The following IPO9 variants were observed in gnomAD, a reference collection of about 807,000 sequenced individuals.
IPO9 encodes the protein importin 9.
In IPO9, 28 loss-of-function variants were observed where a neutral mutation model predicts 128.6. The ratio of observed to expected loss-of-function variants is 0.22; its 90% confidence interval spans 0.16 to 0.30. The LOEUF (loss-of-function observed/expected upper bound fraction) is 0.30. Among genes scored for constraint, IPO9 ranks in the 10% least tolerant of loss-of-function variants. The probability of loss-of-function intolerance (pLI) is 1.00; values close to 1 mark genes in which losing one functional copy is unlikely to be tolerated. For missense variants in IPO9, 935 were observed against 1,293.9 expected (o/e 0.72, Z 4.26); for synonymous variants, 455 against 475.8 (o/e 0.96, Z 0.57).
rs11576601 is a variant in IPO9 at position 201,855,824 on chromosome 1, G to T, written c.1012G>T (p.Glu338Ter). 1 of 1,610,420 alleles carries T rather than the reference G, an allele frequency of 6.2e-7. No individual in the cohort carries two copies. Among genetic ancestry groups the T allele is most frequent in the Non-Finnish European group, 8.5e-7 (1 of 1,179,244 alleles). The change falls in exon 10 of 24, where the codon GAA becomes TAA. Residue 338 changes from glutamate to a stop codon, truncating the protein, a stop_gained. Coordinates refer to ENST00000361565, the MANE Select transcript of IPO9 (RefSeq NM_018085.5). LOFTEE classifies it high-confidence loss of function. ...GFENLVFSIFEFVHALLENSK... is the reference protein window; with the variant it reads ...GFENLVFSIF Reference sequence around the variant, plus strand: ...TGAAAATCTCGTCTTTAGCATTTTTGAATTTGTCCATGCTCTACTAGAAAA... The same window carrying T: ...TGAAAATCTCGTCTTTAGCATTTTTTAATTTGTCCATGCTCTACTAGAAAA...
chr1:201,847,148 C>G, intron 1 of IPO9, 131 bp from the exon 2 acceptor site: 1 of 686,412 alleles, frequency 1.5e-6, no homozygotes, highest in Non-Finnish European at 2.6e-6. Flanking sequence ...TCAGTCTTAG[C>G]AGTTATCAGC....
Position 201,829,201 on chromosome 1 carries a change from G to A in IPO9, c.-9G>A, listed in dbSNP as rs1424054566. On this transcript the variant is annotated 5_prime_UTR_variant, in exon 1 of 24. Transcript: ENST00000361565. The stretch of plus-strand genomic sequence containing the variant: ...CGGCCGCGGGGCTGGCGGGCTGAGG[G>A]GAGAAAAGATGGCGGCGGCGGCGGC... The A allele has an allele frequency of 9.1e-6, 14 of 1,533,782 alleles. No homozygotes were observed. Among genetic ancestry groups the A allele is most frequent in the Non-Finnish European group, 1.2e-5 (14 of 1,144,826 alleles).
Position 201,853,036 on chromosome 1 carries a change from G to A in IPO9, c.629G>A (p.Arg210Gln). The change falls in exon 6 of 24, where the codon CGA becomes CAA. Residue 210 changes from arginine to glutamine, a missense_variant. Coordinates refer to ENST00000361565, the MANE Select transcript of IPO9 (RefSeq NM_018085.5). ...GTGTATGGTATTCGAACCCGTTCCC[G>A]AGCCGTGGAGATTTTTACCACTTGT... ...AEVYGIRTRS[R>Q]AVEIFTTCAH... 3 of 1,614,038 alleles carry A rather than the reference G, an allele frequency of 1.9e-6. No homozygotes were observed. Among genetic ancestry groups the A allele is most frequent in the Non-Finnish European group, 2.5e-6 (3 of 1,179,996 alleles).
In IPO9 at chr1:201,829,231, G is replaced by A. The variant is rs774737656; in HGVS notation, c.22G>A (p.Gly8Ser). The A allele has an allele frequency of 4.5e-6, 7 of 1,568,324 alleles. No homozygotes were observed. The highest frequency in any genetic ancestry group is 1.7e-6 in the Non-Finnish European group (2 of 1,161,834). The change falls in exon 1 of 24, where the codon GGT becomes AGT. Residue 8 changes from glycine to serine, a missense_variant. This residue lies in a region of IPO9 where 741 missense variants were observed against 1,019.1 expected (regional missense o/e 0.73). Coordinates refer to ENST00000361565, the MANE Select transcript of IPO9 (RefSeq NM_018085.5). ...AAAGATGGCGGCGGCGGCGGCAGCT[G>A]GTGCGGCCTCCGGGCTGCCGGGTCC... MAAAAAA[G>S]AASGLPGPVA...
chr1:201,832,503 C>T (rs1290621400), intron 1 of IPO9, among the ~76,000 whole-genome samples: 6 of 152,244 alleles, frequency 3.9e-5, no homozygotes, highest in African/African-American at 1.4e-4. Flanking sequence ...AAGCAGTCTG[C>T]CCACCTCAGC....
intron 11 of IPO9, among the ~76,000 whole-genome samples, chr1:201,857,751 C>T (rs2102880382): frequency 6.7e-6 from 1 of 148,602 alleles, no homozygotes; most frequent in Admixed American, 6.8e-5. Context: ...GCCAAGATTA[C>T]ACCATTGCGC....
rs1571532873 is a variant in IPO9 at position 201,829,166 on chromosome 1, T to C, written c.-44T>C. On this transcript the variant is annotated 5_prime_UTR_variant, in exon 1 of 24. Coordinates refer to ENST00000361565, the MANE Select transcript of IPO9 (RefSeq NM_018085.5). ...GCCGCGCGCGGGGGCCGTCATTCGG[T>C]GGCGGGTCCCGGCCGCGGGGCTGGC... 1.4e-6 allele frequency: 2 copies of C among 1,422,344 alleles called. No individual in the cohort carries two copies. The highest frequency in any genetic ancestry group is 1.8e-6 in the Non-Finnish European group (2 of 1,090,484). 88.1% of individuals were successfully genotyped at this position (1,422,344 alleles called of 1,614,324 possible). A position where few individuals can be genotyped will look rare whatever the true frequency, so the allele number is the denominator to read the frequency against.
chr1:201,853,060 G>A lies in IPO9; in HGVS notation c.653G>A (p.Cys218Tyr). 2 of 1,614,054 alleles carry A rather than the reference G, an allele frequency of 1.2e-6. No homozygotes were observed. The highest frequency in any genetic ancestry group is 1.7e-6 in the Non-Finnish European group (2 of 1,179,992). Residue 218 changes from cysteine (C) to tyrosine (Y), a missense_variant, in exon 6 of 24, where the codon TGT becomes TAT. Physicochemically the swap from Cys to Tyr is radical, Grantham distance 194. Around this residue, in one of 3 missense-constraint regions of IPO9, gnomAD observed 741 missense variants for 1,019.1 expected, o/e 0.73. Coordinates refer to ENST00000361565, the MANE Select transcript of IPO9 (RefSeq NM_018085.5). Reference sequence around the variant, plus strand: ...CGAGCCGTGGAGATTTTTACCACTTGTGCCCATATGATCTGTAACATGGAG... The same window carrying A: ...CGAGCCGTGGAGATTTTTACCACTTATGCCCATATGATCTGTAACATGGAG... ...RSRAVEIFTT[C>Y]AHMICNMEEL...
chr1:201,852,228 A>G (rs1680233247), intron 5 of IPO9, 36 bp downstream of exon 5: 1 of 1,383,864 alleles, frequency 7.2e-7, no homozygotes, highest in African/African-American at 1.4e-5. Flanking sequence ...TAGTGAGTTC[A>G]GGCTCTCTTC....
At chr1:201,833,746 G>T (rs536143487) in intron 1 of IPO9, among the ~76,000 whole-genome samples, 1 of 152,232 alleles carries the variant, frequency 6.6e-6, no homozygotes, top group South Asian at 2.1e-4. Context: ...TTATTATGGT[G>T]TACAGTATTC....
At chr1:201,830,639 C>T (rs1679816699) in intron 1 of IPO9, among the ~76,000 whole-genome samples, 2 of 152,158 alleles carry the variant, frequency 1.3e-5, no homozygotes, top group East Asian at 1.9e-4. Context: ...GAATTTTTAG[C>T]GGCTTCTAAA....
At chr1:201,829,444 G>C (rs997886508) in intron 1 of IPO9, 72 bp downstream of exon 1, 1 of 1,404,438 alleles carries the variant, frequency 7.1e-7, no homozygotes, top group African/African-American at 1.5e-5. Context: ...GTACCGGCTG[G>C]GGACATGGGG....
At chr1:201,832,276 G>A (rs1259284311) in intron 1 of IPO9, among the ~76,000 whole-genome samples, 1 of 143,888 alleles carries the variant, frequency 6.9e-6, no homozygotes, top group African/African-American at 2.6e-5. Flanking sequence ...TTTTGAGACC[G>A]AGTCTCACTC....
At chr1:201,875,332 G>A (rs1558226318) in intron 23 of IPO9, 104 bp downstream of exon 23, 5 of 1,037,606 alleles carry the variant, frequency 4.8e-6, no homozygotes, top group Non-Finnish European at 7.5e-6. Context: ...GCTCATGCCT[G>A]TAATCCCAAC....
chr1:201,874,406 G>A (rs779371174), intron 21 of IPO9, 34 bp downstream of exon 21: 13 of 1,576,562 alleles, frequency 8.2e-6, no homozygotes, highest in South Asian at 1.2e-5. Flanking sequence ...GAGACTTTTA[G>A]CCTGGCAGAT....
chr1:201,869,231 A>T (rs1172540562), intron 16 of IPO9, among the ~76,000 whole-genome samples: 2 of 152,218 alleles, frequency 1.3e-5, no homozygotes, highest in Non-Finnish European at 2.9e-5. Flanking sequence ...AGCCTGGGTG[A>T]CAGAGCGAGA....
At chr1:201,857,037 T>G in intron 10 of IPO9, 59 bp from the exon 11 acceptor site, 1 of 1,059,886 alleles carries the variant, frequency 9.4e-7, no homozygotes, top group African/African-American at 1.6e-5. Flanking sequence ...CTGTATCTGT[T>G]GATGAAAAGC....
intron 13 of IPO9, among the ~76,000 whole-genome samples, chr1:201,862,255 C>T (rs2102883480): frequency 6.6e-6 from 1 of 152,022 alleles, no homozygotes; most frequent in Non-Finnish European, 1.5e-5. Context: ...TTCAGGAGTT[C>T]AAGACCAGCC....
At chr1:201,871,575 T>G (rs571586601) in intron 19 of IPO9, among the ~76,000 whole-genome samples, 1 of 151,948 alleles carries the variant, frequency 6.6e-6, no homozygotes, top group African/African-American at 2.4e-5. Context: ...GTGTTTTTAG[T>G]AGAGAGAGGG....
Sources: gnomAD v4.1 joint callset for allele counts (sites outside exome capture counted in the v4.1 genomes callset) on GRCh38, gnomAD v4.1.1 for gene constraint, gnomAD v4.1.1 regional missense constraint, MANE v1.5 for transcripts, NCBI Gene and HGNC (gene_info 2026-07-23, HGNC 2026-07-21) for gene names.